Variants in TAB2 observed in about 807,000 individuals in gnomAD.
TAB2 encodes TGF-beta activated kinase 1 (MAP3K7) binding protein 2.
TAB2 carries 3 observed loss-of-function variants against 65.0 expected under a neutral mutation model. The ratio of observed to expected loss-of-function variants is 0.05; its 90% CI spans 0.02 to 0.12. The LOEUF is 0.12. Ranked by LOEUF, TAB2 falls within the 10% of genes least tolerant of loss-of-function variation. The pLI is 1.00. For missense variants in TAB2, 623 were observed against 840.3 expected (o/e 0.74, Z 3.20); for synonymous variants, 298 against 285.1 (o/e 1.05, Z -0.46).
intron 1 of TAB2, among the ~76,000 whole-genome samples, chr6:149,262,756 C>T (rs560149098): frequency 1.3e-5 from 2 of 152,102 alleles, no homozygotes; most frequent in Admixed American, 6.5e-5. Flanking sequence ...CCAAGAGAAA[C>T]TTAATATTTA....
At chr6:149,262,531 TA>T (rs11365916) in intron 1 of TAB2, among the ~76,000 whole-genome samples, 7,854 of 139,678 alleles carry the variant, frequency 0.056, 578 homozygotes, top group African/African-American at 0.18. Context: ...AAACTCGGTC[TA>T]AAAAAAAAAA....
At position 149,378,917 on chromosome 6, in the gene TAB2, A is replaced by C. The variant is rs1781505061; in HGVS notation, c.1002A>C (p.Gln334His). The change falls in exon 3 of 7, where the codon CAA (glutamine) becomes CAC (histidine). Residue 334 changes from glutamine (Q) to histidine (H), a missense_variant. Transcript: ENST00000637181. ...TTGAAATCAAACTTGAACCCCCACA[A>C]AGAAATAATTCTTCAAAACTGCGTT... ...NQIEIKLEPPQRNNSSKLRSS... is the reference protein window; with the variant it reads ...NQIEIKLEPPHRNNSSKLRSS... The C allele has an allele frequency of 1.9e-6, 3 of 1,613,956 alleles. No homozygotes were observed. Among genetic ancestry groups the C allele is most frequent in the African/African-American group, 1.3e-5 (1 of 74,886 alleles).
At chr6:149,242,160 G>A (rs1367053875) in intron 1 of TAB2, among the ~76,000 whole-genome samples, 1 of 152,160 alleles carries the variant, frequency 6.6e-6, no homozygotes, top group African/African-American at 2.4e-5. Flanking sequence ...CTCTTGTAAA[G>A]AACATGCCTA....
chr6:149,257,890 G>A (rs1778072564), intron 1 of TAB2, among the ~76,000 whole-genome samples: 1 of 152,154 alleles, frequency 6.6e-6, no homozygotes, highest in Non-Finnish European at 1.5e-5. Flanking sequence ...ACAGATCAAC[G>A]ACGGGTACAC....
chr6:149,328,317 G>A (rs1358353462), intron 1 of TAB2, among the ~76,000 whole-genome samples: 1 of 152,082 alleles, frequency 6.6e-6, no homozygotes, highest in East Asian at 1.9e-4. Context: ...TGTTTGAGAG[G>A]GAGTCTGCTC....
chr6:149,239,826 G>A (rs115280125), intron 1 of TAB2, among the ~76,000 whole-genome samples: 1 of 152,192 alleles, frequency 6.6e-6, no homozygotes, highest in South Asian at 2.1e-4. Context: ...ACAGCCGAGG[G>A]ATATTCTGTC....
intron 3 of TAB2, among the ~76,000 whole-genome samples, chr6:149,380,718 G>T (rs527544903): frequency 6.6e-6 from 1 of 152,320 alleles, no homozygotes; most frequent in South Asian, 2.1e-4. Context: ...ATCATTTCAT[G>T]TATCAGCTGT....
At chr6:149,386,220 T>C (rs1342633855) in intron 3 of TAB2, among the ~76,000 whole-genome samples, 1 of 152,242 alleles carries the variant, frequency 6.6e-6, no homozygotes, top group Non-Finnish European at 1.5e-5. Context: ...CAGTACACTT[T>C]CTTAAATATA....
At chr6:149,388,502 AAATGGGTAACATTT>A (rs1444578514) in intron 3 of TAB2, among the ~76,000 whole-genome samples, 1 of 152,214 alleles carries the variant, frequency 6.6e-6, no homozygotes, top group Non-Finnish European at 1.5e-5. Context: ...CCATACTTAC[AAATGGGTAACATTT>A]TTGGTAACAT....
chr6:149,379,623 A>T, intron 3 of TAB2, 105 bp downstream of exon 3: 2 of 1,052,984 alleles, frequency 1.9e-6, no homozygotes, highest in Non-Finnish European at 3.0e-6. Flanking sequence ...TCATTGTTTA[A>T]ATATTGCCCC....
At chr6:149,397,564 A>G in intron 3 of TAB2, 40 bp from the exon 4 acceptor site, 2 of 1,611,294 alleles carry the variant, frequency 1.2e-6, no homozygotes, top group Non-Finnish European at 1.7e-6. Context: ...TTAATTGATT[A>G]AAGTGGGTGG....
chr6:149,393,258 T>TAAC (rs1782055252), intron 3 of TAB2, among the ~76,000 whole-genome samples: 1 of 152,322 alleles, frequency 6.6e-6, no homozygotes, highest in African/African-American at 2.4e-5. Context: ...AAATTTTGTT[T>TAAC]AAAGTGGAAA....
chr6:149,321,542 A>C (rs1779455986), intron 1 of TAB2, among the ~76,000 whole-genome samples: 1 of 152,194 alleles, frequency 6.6e-6, no homozygotes, highest in African/African-American at 2.4e-5. Context: ...TTTACTAGTA[A>C]GTGGTACTTA....
At chr6:149,301,891 A>G (rs117271902) in intron 1 of TAB2, among the ~76,000 whole-genome samples, 3 of 152,324 alleles carry the variant, frequency 2.0e-5, no homozygotes, top group Non-Finnish European at 4.4e-5. Context: ...TTGAAAGATT[A>G]TGGCACGTTT....
At chr6:149,242,905 A>AG (rs1413587712) in intron 1 of TAB2, among the ~76,000 whole-genome samples, 2 of 152,242 alleles carry the variant, frequency 1.3e-5, no homozygotes, top group Non-Finnish European at 2.9e-5. Context: ...GTTCTCTCCC[A>AG]GAAGGTGCTT....
At chr6:149,220,084 G>A (rs1045939489) in intron 1 of TAB2, among the ~76,000 whole-genome samples, 2 of 152,186 alleles carry the variant, frequency 1.3e-5, no homozygotes, top group Admixed American at 6.5e-5. Flanking sequence ...AGTAAGATGT[G>A]TATGTTTTTA....
chr6:149,324,743 C>A (rs1239386535), intron 1 of TAB2, among the ~76,000 whole-genome samples: 1 of 151,664 alleles, frequency 6.6e-6, no homozygotes, highest in Non-Finnish European at 1.5e-5. Flanking sequence ...TCAGAGAAAT[C>A]AACAAAAGCA....
intron 1 of TAB2, chr6:149,257,675 T>C (rs1214615708): frequency 1.3e-5 from 2 of 152,142 alleles, no homozygotes; most frequent in Admixed American, 1.3e-4. Context: ...TTGTCAATAA[T>C]GCAGATCCTT....
chr6:149,248,478 A>G (rs1281583569), intron 1 of TAB2, among the ~76,000 whole-genome samples: 2 of 148,086 alleles, frequency 1.4e-5, no homozygotes, highest in Admixed American at 6.7e-5. Flanking sequence ...GAAAGAAAGA[A>G]AGAAAGAGAG....
Sources: allele counts gnomAD v4.1 joint callset (sites outside exome capture counted in the v4.1 genomes callset), GRCh38; gene constraint gnomAD v4.1.1; transcripts MANE v1.5; gene names NCBI Gene and HGNC (gene_info 2026-07-23, HGNC 2026-07-21).